Variants in TMEM87A observed in about 807,000 individuals in gnomAD.
The protein encoded by TMEM87A is transmembrane protein 87A, also known as Golgi-pH regulating cation channel.
TMEM87A carries 50 observed loss-of-function variants against 90.0 expected under a neutral mutation model. That is an observed-to-expected ratio of 0.56 (90% CI 0.44 to 0.70). The LOEUF (loss-of-function observed/expected upper bound fraction) is 0.70, where lower values mean the gene tolerates loss of function less well. Ranked by LOEUF, TMEM87A falls within the 30% of genes least tolerant of loss-of-function variation. The probability of loss-of-function intolerance (pLI) is 0.00; values close to 1 mark genes in which losing one functional copy is unlikely to be tolerated. For synonymous variants in TMEM87A, 226 were observed against 226.7 expected, an observed-to-expected ratio of 1.00 and a Z score of 0.03; for missense variants, 577 against 660.5, an observed-to-expected ratio of 0.87 and a Z score of 1.39.
chr15:42,258,717 G>A, intron 6 of TMEM87A: 4 of 1,335,240 alleles, frequency 3.0e-6, no homozygotes, highest in African/African-American at 1.5e-5. Flanking sequence ...GTGAGCCACT[G>A]TACCCAGTCC....
chr15:42,211,822 T>C (rs2050293339), intron 19 of TMEM87A, 73 bp from the exon 20 acceptor site: 2 of 1,335,548 alleles, frequency 1.5e-6, no homozygotes, highest in African/African-American at 2.9e-5. Context: ...CTATACAGAC[T>C]ATCCAAGCAA....
At chr15:42,266,943 GTTAT>G (rs2140989065) in intron 3 of TMEM87A, among the ~76,000 whole-genome samples, 1 of 152,258 alleles carries the variant, frequency 6.6e-6, no homozygotes, top group Non-Finnish European at 1.5e-5. Flanking sequence ...CTCAGACTTG[GTTAT>G]TTGAGAGTTA....
chr15:42,218,325 A>G lies in TMEM87A; in HGVS notation c.1593T>C (p.Asp531=), dbSNP rs1226674551. The G allele has an allele frequency of 6.2e-7, 1 of 1,613,686 alleles. No individual in the cohort carries two copies. The highest frequency in any genetic ancestry group is 8.5e-7 in the Non-Finnish European group (1 of 1,179,748). The stretch of plus-strand genomic sequence containing the variant: ...GTGGTAATCATTCAAAAACTTACAC[A>G]TCTGTCACAGAAGAAGGAACATTCT... The part of the protein sequence containing the change: ...VEENVPSSVT[D]VALPALLDSD... The change falls in exon 18 of 20, where the codon GAT becomes GAC. Residue 531 remains aspartate, a splice_region_variant and synonymous_variant. Transcript: ENST00000389834.
chr15:42,268,293 C>G (rs2051445225), intron 2 of TMEM87A, among the ~76,000 whole-genome samples: 2 of 152,146 alleles, frequency 1.3e-5, no homozygotes, highest in Admixed American at 1.3e-4. Context: ...GCCATAAAGT[C>G]CTAACTTCTG....
At chr15:42,241,715 C>T (rs1217382222) in intron 7 of TMEM87A, among the ~76,000 whole-genome samples, 4 of 151,916 alleles carry the variant, frequency 2.6e-5, no homozygotes, top group South Asian at 4.2e-4. Context: ...AGGCCAGGTG[C>T]GGCGGCTCAC....
At chr15:42,260,411 T>C (rs539712681) in intron 6 of TMEM87A, among the ~76,000 whole-genome samples, 2 of 152,316 alleles carry the variant, frequency 1.3e-5, no homozygotes, top group South Asian at 4.1e-4. Context: ...ATATGTATAT[T>C]ATACCTTCAT....
chr15:42,211,746 G>A lies in TMEM87A; in HGVS notation c.1630C>T (p.Arg544Ter), dbSNP rs770324808. Reference sequence around the variant, plus strand: ...GACCTTTCAAAGTGTGTGATCATTCGTTCCTAGGGAAAAAAAAAAAGGTTG... The same window carrying A: ...GACCTTTCAAAGTGTGTGATCATTCATTCCTAGGGAAAAAAAAAAAGGTTG... ...LPALLDSDEE[R>*]MITHFERSKM... The change falls in exon 20 of 20, where the codon CGA becomes TGA. Residue 544 changes from arginine to a stop codon, truncating the protein, a stop_gained. Coordinates refer to ENST00000389834, the MANE Select transcript of TMEM87A (RefSeq NM_015497.5). LOFTEE classifies it high-confidence loss of function. 1.9e-5 allele frequency: 31 copies of A among 1,607,060 alleles called. No homozygotes were observed. The highest frequency in any genetic ancestry group is 3.4e-5 in the Admixed American group (2 of 58,820).
At chr15:42,256,906 C>T (rs1366698432) in intron 6 of TMEM87A, among the ~76,000 whole-genome samples, 3 of 152,040 alleles carry the variant, frequency 2.0e-5, no homozygotes, top group Non-Finnish European at 2.9e-5. Context: ...TTTGTAGAGA[C>T]GAGGTTTCAC....
chr15:42,236,418 G>A lies in TMEM87A; in HGVS notation c.870C>T (p.Val290=). ...FQNIRYKGES[V]QGALILAELL... ...GCTCTGCAAGGATCAAAGCACCCTG[G>A]ACTATGAAAAAGAAGGGAAGAAATG... Residue 290 remains valine (V), a splice_region_variant and synonymous_variant, in exon 10 of 20, where the codon GTC becomes GTT. Coordinates refer to ENST00000389834, the MANE Select transcript of TMEM87A (RefSeq NM_015497.5). The A allele has an allele frequency of 1.9e-6, 3 of 1,613,878 alleles. No homozygotes were observed. The highest frequency in any genetic ancestry group is 2.5e-6 in the Non-Finnish European group (3 of 1,179,806).
intron 15 of TMEM87A, 87 bp from the exon 16 acceptor site, chr15:42,220,222 A>C (rs1349757050): frequency 1.1e-6 from 1 of 908,156 alleles, no homozygotes; most frequent in African/African-American, 1.7e-5. Context: ...CTAATTATTG[A>C]AACTGCAATT....
chr15:42,262,442 T>C (rs1026448897), intron 4 of TMEM87A, among the ~76,000 whole-genome samples: 2 of 12,894 alleles, frequency 1.6e-4, no homozygotes, highest in Non-Finnish European at 7.0e-3. Flanking sequence ...TTATCCCTTT[T>C]TTTTTTTTTT....
At position 42,258,333 on chromosome 15, in the gene TMEM87A, T is replaced by C. The variant is rs553904098; in HGVS notation, c.504+2625A>G. Reference sequence around the variant, plus strand: ...AAGATAAATATATCACTGCATGGTATTATAGATTACTATTTTCTTCTTTTC... The same window carrying C: ...AAGATAAATATATCACTGCATGGTACTATAGATTACTATTTTCTTCTTTTC... On this transcript the variant is annotated intron_variant, in intron 6 of 19. Transcript: ENST00000389834. 48 of 687,436 alleles carry C rather than the reference T, an allele frequency of 7.0e-5. No individual in the cohort carries two copies. In the African/African-American group the frequency reaches 9.0e-4, roughly 13 times the overall value. 42.6% of individuals were successfully genotyped at this position (687,436 alleles called of 1,614,324 possible).
intron 6 of TMEM87A, among the ~76,000 whole-genome samples, chr15:42,255,992 C>T (rs950525291): frequency 2.0e-5 from 3 of 148,610 alleles, no homozygotes; most frequent in African/African-American, 7.5e-5. Flanking sequence ...GTTTGCCAGG[C>T]TGATCTCGAA....
At chr15:42,264,018 G>A (rs2051348095) in intron 4 of TMEM87A, 72 bp downstream of exon 4, 1 of 1,192,478 alleles carries the variant, frequency 8.4e-7, no homozygotes, top group Non-Finnish European at 1.2e-6. Flanking sequence ...AGTCGGAAGT[G>A]GATACAGCCA....
Position 42,211,138 on chromosome 15 carries a change from C to CTTTTTTTTTT in TMEM87A, c.*560_*569dup, listed in dbSNP as rs11433755. The CTTTTTTTTTT allele has an allele frequency of 3.4e-5, 5 of 145,284 alleles. No homozygotes were observed. The highest frequency in any genetic ancestry group is 7.6e-5 in the African/African-American group (3 of 39,566). The allele number at this position is 145,284 out of a possible 1,614,324, so 9.0% of individuals were successfully genotyped here. A position where few individuals can be genotyped will look rare whatever the true frequency, so the allele number is the denominator to read the frequency against. On this transcript the variant is annotated 3_prime_UTR_variant, in exon 20 of 20. Transcript: ENST00000389834. ...TCTGAATCATACTGTAACAGTTTCT[C>CTTTTTTTTTT]TTTTTTTTTTTTTCTTTTGATCATT... is the stretch of plus-strand genomic sequence containing the variant.
intron 6 of TMEM87A, among the ~76,000 whole-genome samples, chr15:42,256,687 T>C (rs2051190503): frequency 1.3e-5 from 2 of 152,192 alleles, no homozygotes; most frequent in Non-Finnish European, 2.9e-5. Flanking sequence ...CCAATATCCA[T>C]ATAAATGAAG....
At chr15:42,251,143 CTCT>C (rs2051077321) in intron 6 of TMEM87A, among the ~76,000 whole-genome samples, 1 of 152,130 alleles carries the variant, frequency 6.6e-6, no homozygotes, top group Non-Finnish European at 1.5e-5. Flanking sequence ...CATTCATCTA[CTCT>C]TTTTTCAAGG....
chr15:42,237,226 G>A (rs1294728587), intron 9 of TMEM87A, among the ~76,000 whole-genome samples: 2 of 152,098 alleles, frequency 1.3e-5, no homozygotes, highest in South Asian at 2.1e-4. Flanking sequence ...TGACTTTTGT[G>A]AGCATATTTC....
chr15:42,224,741 A>T (rs998677029), intron 15 of TMEM87A, among the ~76,000 whole-genome samples: 3 of 152,244 alleles, frequency 2.0e-5, no homozygotes, highest in Admixed American at 6.5e-5. Flanking sequence ...AAAATGAATG[A>T]GTTCAGTTAA....
Sources: allele counts gnomAD v4.1 joint callset (sites outside exome capture counted in the v4.1 genomes callset), GRCh38; gene constraint gnomAD v4.1.1; transcripts MANE v1.5; gene names NCBI Gene and HGNC (gene_info 2026-07-23, HGNC 2026-07-21).